CALD1: variants seen among roughly 807,000 people sequenced by gnomAD.
CALD1 encodes the protein caldesmon 1.
A neutral mutation model predicts 99.9 loss-of-function variants in CALD1; 33 were observed. The ratio of observed to expected loss-of-function variants is 0.33; its 90% CI spans 0.25 to 0.44. The LOEUF is 0.44. CALD1 is among the 20% of genes least tolerant of loss of function. The probability of loss-of-function intolerance (pLI) is 1.00; values close to 1 mark genes in which losing one functional copy is unlikely to be tolerated. For missense variants in CALD1, 861 were observed against 962.1 expected (o/e 0.89, Z 1.39); for synonymous variants, 310 against 325.0 (o/e 0.95, Z 0.50).
chr7:134,766,379 C>G (rs942665030), intron 1 of CALD1, among the ~76,000 whole-genome samples: 5 of 151,914 alleles, frequency 3.3e-5, no homozygotes, highest in Non-Finnish European at 7.4e-5. Context: ...CTCCTGACCT[C>G]GGGTGATCCA....
intron 1 of CALD1, among the ~76,000 whole-genome samples, chr7:134,762,492 A>G (rs1796787788): frequency 6.6e-6 from 1 of 152,178 alleles, no homozygotes; most frequent in African/African-American, 2.4e-5. Flanking sequence ...ATAAAGAAAT[A>G]CCAGAGACTA....
chr7:134,838,140 T>C (rs936590402), intron 1 of CALD1, among the ~76,000 whole-genome samples: 1 of 152,194 alleles, frequency 6.6e-6, no homozygotes, highest in South Asian at 2.1e-4. Flanking sequence ...CCTAACATAT[T>C]ATCATATTAA....
chr7:134,859,532 C>A (rs1295064961), intron 2 of CALD1, among the ~76,000 whole-genome samples: 1 of 152,182 alleles, frequency 6.6e-6, no homozygotes, highest in Admixed American at 6.5e-5. Flanking sequence ...CCCAAATTTT[C>A]ACTTCTCTTC....
At chr7:134,807,879 C>T (rs528107066) in intron 1 of CALD1, among the ~76,000 whole-genome samples, 48 of 152,182 alleles carry the variant, frequency 3.2e-4, no homozygotes, top group Admixed American at 9.2e-4. Flanking sequence ...CCACCTGCCT[C>T]GGCCTCCCAA....
intron 3 of CALD1, among the ~76,000 whole-genome samples, chr7:134,918,741 A>G (rs977759124): frequency 6.6e-6 from 1 of 152,250 alleles, no homozygotes; most frequent in Non-Finnish European, 1.5e-5. Flanking sequence ...TCACGCCTGT[A>G]ACCCAGAACT....
rs1393328025 is a variant in CALD1, at chr7:134,955,127, C to CA, written c.1936-2941dup. 2.0e-5 allele frequency among the ~76,000 whole-genome samples: 3 copies of CA among 152,212 alleles called. No individual in the cohort carries two copies. In the South Asian group the frequency reaches 6.2e-4, roughly 31 times the overall value. ...ACCTTGTCAGTCAGGCACAGTGGTT[C>CA]ACACCTGTAATCCCAGCACTTTGGG... On this transcript the variant is annotated intron_variant, in intron 9 of 14. Coordinates refer to ENST00000361675, the MANE Select transcript of CALD1 (RefSeq NM_033138.4).
chr7:134,931,076 T>A (rs1805487858), intron 4 of CALD1, among the ~76,000 whole-genome samples: 1 of 152,216 alleles, frequency 6.6e-6, no homozygotes, highest in Non-Finnish European at 1.5e-5. Flanking sequence ...TTTCATGCTA[T>A]TAATTGAAAT....
chr7:134,806,243 G>T (rs1798131369), intron 1 of CALD1, among the ~76,000 whole-genome samples: 2 of 152,204 alleles, frequency 1.3e-5, no homozygotes, highest in Non-Finnish European at 2.9e-5. Flanking sequence ...GTCTTGGCTG[G>T]AATTCCTAAG....
intron 2 of CALD1, among the ~76,000 whole-genome samples, chr7:134,852,886 A>C (rs1800137177): frequency 6.6e-6 from 1 of 152,222 alleles, no homozygotes; most frequent in East Asian, 1.9e-4. Context: ...TGTGGTACTC[A>C]AAGTGGAAAA....
At chr7:134,814,746 C>T (rs1798492095) in intron 1 of CALD1, among the ~76,000 whole-genome samples, 1 of 152,154 alleles carries the variant, frequency 6.6e-6, no homozygotes, top group African/African-American at 2.4e-5. Context: ...AGGCACACCC[C>T]TGTTGGAAAA....
chr7:134,964,120 CCGGGAGTCGGAGGTTG>C (rs1157438989), intron 13 of CALD1, among the ~76,000 whole-genome samples: 7 of 152,138 alleles, frequency 4.6e-5, no homozygotes, highest in African/African-American at 9.7e-5. Flanking sequence ...TCGCTTGAAC[CCGGGAGTCGGAGGTTG>C]CAGTGAGCCG....
At chr7:134,839,381 T>A (rs1799563494) in intron 1 of CALD1, among the ~76,000 whole-genome samples, 2 of 152,220 alleles carry the variant, frequency 1.3e-5, no homozygotes, top group African/African-American at 2.4e-5. Flanking sequence ...TTCAAGTTCA[T>A]GTCTTCTGGT....
intron 13 of CALD1, chr7:134,962,906 G>T: frequency 2.2e-6 from 1 of 456,322 alleles, no homozygotes; most frequent in South Asian, 1.5e-5. Context: ...TTCCGGAGTG[G>T]GTCTTTCTCT....
At chr7:134,857,067 C>T (rs545783636) in intron 2 of CALD1, among the ~76,000 whole-genome samples, 60 of 150,804 alleles carry the variant, frequency 4.0e-4, no homozygotes, top group Non-Finnish European at 6.8e-4. Flanking sequence ...AAGCTATAGA[C>T]TAAGTGCTCC....
intron 1 of CALD1, among the ~76,000 whole-genome samples, chr7:134,756,577 G>C (rs1796732441): frequency 6.6e-6 from 1 of 152,070 alleles, no homozygotes; most frequent in Non-Finnish European, 1.5e-5. Context: ...ATTATATGGA[G>C]TTCTCACTTC....
intron 1 of CALD1, among the ~76,000 whole-genome samples, chr7:134,808,577 C>T (rs150867228): frequency 1.1e-3 from 167 of 152,322 alleles, no homozygotes; most frequent in African/African-American, 3.8e-3. Flanking sequence ...ATCTATGGCA[C>T]GCCTCTGAAT....
intron 1 of CALD1, among the ~76,000 whole-genome samples, chr7:134,803,927 C>A (rs1008568556): frequency 2.6e-5 from 4 of 152,156 alleles, no homozygotes; most frequent in African/African-American, 7.2e-5. Context: ...AACTCCTGAC[C>A]TCAGGTGATC....
chr7:134,747,740 C>T (rs1330151370), intron 1 of CALD1, among the ~76,000 whole-genome samples: 1 of 152,240 alleles, frequency 6.6e-6, no homozygotes, highest in African/African-American at 2.4e-5. Context: ...GCCATGGGGG[C>T]ATGGCTGCCT....
chr7:134,724,695 C>T, the CALD1 span, among the ~76,000 whole-genome samples: 1 of 152,218 alleles, frequency 6.6e-6, no homozygotes, highest in Non-Finnish European at 1.5e-5. Flanking sequence ...TCCCAAAGTC[C>T]TTAGCTTCTT....
Sources: allele counts gnomAD v4.1 joint callset (sites outside exome capture counted in the v4.1 genomes callset), GRCh38; gene constraint gnomAD v4.1.1; transcripts MANE v1.5; gene names NCBI Gene and HGNC (gene_info 2026-07-23, HGNC 2026-07-21).